Variants in C2orf49 observed in about 807,000 individuals in gnomAD.
C2orf49 encodes tRNA-splicing ligase complex subunit ASW.
In C2orf49, 11 loss-of-function variants were observed where a neutral mutation model predicts 20.6. The ratio of observed to expected loss-of-function variants is 0.53; its 90% CI spans 0.34 to 0.88. The LOEUF is 0.88. C2orf49 is among the 40% of genes least tolerant of loss of function. The pLI, the probability that C2orf49 is intolerant of heterozygous loss-of-function variation, is 0.02. For synonymous variants in C2orf49, 134 were observed against 108.5 expected, an observed-to-expected ratio of 1.24 and a Z score of -1.46; for missense variants, 289 against 274.2, an observed-to-expected ratio of 1.05 and a Z score of -0.38.
chr2:105,380,687 G>A, the C2orf49 span, among the ~76,000 whole-genome samples: 3 of 152,122 alleles, frequency 2.0e-5, no homozygotes, highest in Non-Finnish European at 4.4e-5. Context: ...GAGGAACAGG[G>A]TAAGAAATAT....
downstream of C2orf49, among the ~76,000 whole-genome samples, chr2:105,350,036 A>G (rs1475105768): frequency 6.6e-6 from 1 of 152,172 alleles, no homozygotes; most frequent in East Asian, 1.9e-4. Context: ...CACTGGAAAT[A>G]CATGGCTCAC....
chr2:105,355,271 T>G, the C2orf49 span, among the ~76,000 whole-genome samples: 475 of 152,290 alleles, frequency 3.1e-3, 6 homozygotes, highest in African/African-American at 0.011. Flanking sequence ...GCAAGCCGAC[T>G]CTCATACAGA....
chr2:105,351,065 A>G (rs892881116), downstream of C2orf49, among the ~76,000 whole-genome samples: 1 of 152,232 alleles, frequency 6.6e-6, no homozygotes, highest in African/African-American at 2.4e-5. Flanking sequence ...GGTCAGGTAA[A>G]TACCTGGAGA....
rs780656337 is a variant in C2orf49 at position 105,337,605 on chromosome 2, C to G, written c.18C>G (p.Gly6=). 6 of 1,612,522 alleles carry G rather than the reference C, an allele frequency of 3.7e-6. No homozygotes were observed. The highest frequency in any genetic ancestry group is 1.3e-5 in the African/African-American group (1 of 74,836). ...CGACGACCATGGCGGGGGATGTGGG[C>G]GGTCGCAGCTGCACGGACTCGGAAC... MAGDV[G]GRSCTDSELL... The change falls in exon 1 of 4, where the codon GGC becomes GGG. Residue 6 remains glycine, a synonymous_variant. Transcript: ENST00000258457.
At chr2:105,369,280 T>C in the C2orf49 span, among the ~76,000 whole-genome samples, 3 of 152,190 alleles carry the variant, frequency 2.0e-5, no homozygotes, top group African/African-American at 7.2e-5. Context: ...TAGGAGTCTA[T>C]AGACTAGTCC....
downstream of C2orf49, among the ~76,000 whole-genome samples, chr2:105,351,514 C>T (rs565150548): frequency 1.4e-4 from 22 of 152,076 alleles, 1 homozygote; most frequent in East Asian, 4.3e-3. Context: ...CTCATGGATA[C>T]TTATTTTATA....
At chr2:105,385,721 G>A in the C2orf49 span, among the ~76,000 whole-genome samples, 4 of 152,342 alleles carry the variant, frequency 2.6e-5, no homozygotes, top group Admixed American at 1.3e-4. Context: ...AGAGTCTGCT[G>A]AGAAGCGCAG....
chr2:105,384,206 G>A, the C2orf49 span, among the ~76,000 whole-genome samples: 2 of 152,176 alleles, frequency 1.3e-5, no homozygotes, highest in African/African-American at 2.4e-5. Context: ...TCTCACCTAC[G>A]TAAGTATTTC....
At position 105,337,576 on chromosome 2, in the gene C2orf49, C is replaced by T. The variant is rs1268697914; in HGVS notation, c.-12C>T. 16 of 1,613,260 alleles carry T rather than the reference C, an allele frequency of 9.9e-6. No individual in the cohort carries two copies. The highest frequency in any genetic ancestry group is 4.5e-5 in the East Asian group (2 of 44,882). On this transcript the variant is annotated 5_prime_UTR_variant, in exon 1 of 4. Coordinates refer to ENST00000258457, the MANE Select transcript of C2orf49 (RefSeq NM_024093.3). ...TTTGTGGGTAGCCGACTGGGGTCTCCTGGCGACGACCATGGCGGGGGATGT... is the reference window on the plus strand; with the variant it reads ...TTTGTGGGTAGCCGACTGGGGTCTCTTGGCGACGACCATGGCGGGGGATGT...
At chr2:105,344,518 G>A (rs559555451) in intron 3 of C2orf49, among the ~76,000 whole-genome samples, 1 of 152,074 alleles carries the variant, frequency 6.6e-6, no homozygotes, top group East Asian at 1.9e-4. Context: ...TCTTTTTTAT[G>A]TAGGGCCCAC....
At chr2:105,359,318 G>C in the C2orf49 span, 1 of 152,112 alleles carries the variant, frequency 6.6e-6, no homozygotes, top group Non-Finnish European at 1.5e-5. Flanking sequence ...TTATGAAGTA[G>C]AAAACAGCAA....
At chr2:105,373,089 C>T in the C2orf49 span, among the ~76,000 whole-genome samples, 1 of 152,218 alleles carries the variant, frequency 6.6e-6, no homozygotes, top group Non-Finnish European at 1.5e-5. Context: ...AGAACACCAA[C>T]TCTACAAGGG....
the C2orf49 span, chr2:105,373,423 C>T: frequency 3.6e-6 from 3 of 844,504 alleles, no homozygotes; most frequent in Non-Finnish European, 5.9e-6. Context: ...TCTAAATACT[C>T]CTCTGCAGTT....
chr2:105,361,469 AAGTT>A, the C2orf49 span: 1 of 1,596,866 alleles, frequency 6.3e-7, no homozygotes, highest in Admixed American at 1.7e-5. Flanking sequence ...CGGATGAAGA[AAGTT>A]AGAATCAGGC....
the C2orf49 span, among the ~76,000 whole-genome samples, chr2:105,368,885 C>A: frequency 2.0e-5 from 3 of 152,316 alleles, no homozygotes; most frequent in East Asian, 5.8e-4. Flanking sequence ...AGGGGCCTGG[C>A]CACTGTGTAA....
At chr2:105,374,015 T>A in the C2orf49 span, 1 of 453,522 alleles carries the variant, frequency 2.2e-6, no homozygotes, top group Non-Finnish European at 4.0e-6. Flanking sequence ...GGGATTTCCC[T>A]TATGTATTGC....
chr2:105,361,165 C>A, the C2orf49 span: 6 of 1,013,370 alleles, frequency 5.9e-6, no homozygotes, highest in Admixed American at 1.3e-4. Context: ...CACTGAAAAG[C>A]ACTAGAAGAA....
At chr2:105,376,910 C>T in the C2orf49 span, among the ~76,000 whole-genome samples, 6 of 152,320 alleles carry the variant, frequency 3.9e-5, no homozygotes, top group East Asian at 1.9e-4. Flanking sequence ...AACGACAAAT[C>T]GGTCACAAAA....
At chr2:105,380,615 T>G in the C2orf49 span, among the ~76,000 whole-genome samples, 1 of 152,200 alleles carries the variant, frequency 6.6e-6, no homozygotes, top group Non-Finnish European at 1.5e-5. Context: ...TTTTGCTATT[T>G]CATTAGTACT....
Sources: allele counts gnomAD v4.1 joint callset (sites outside exome capture counted in the v4.1 genomes callset), GRCh38; gene constraint gnomAD v4.1.1; transcripts MANE v1.5; gene names NCBI Gene and HGNC (gene_info 2026-07-23, HGNC 2026-07-21).